Variants in ZNF197 observed in about 807,000 individuals in gnomAD.
ZNF197 encodes the protein VHL-associated KRAB-A domain-containing protein.
In ZNF197, 14 loss-of-function variants were observed where a neutral mutation model predicts 27.4. The observed-to-expected ratio is 0.51, with a 90% CI of 0.34 to 0.80. The LOEUF (loss-of-function observed/expected upper bound fraction) is 0.80. ZNF197 is among the 30% of genes least tolerant of loss of function. The pLI, the probability that ZNF197 is intolerant of heterozygous loss-of-function variation, is 0.02. For synonymous variants in ZNF197, 415 were observed against 420.0 expected (o/e 0.99, Z 0.15); for missense variants, 1,090 against 1,222.6 (o/e 0.89, Z 1.62).
intron 5 of ZNF197, among the ~76,000 whole-genome samples, chr3:44,638,817 C>T (rs1046724335): frequency 6.6e-6 from 1 of 152,222 alleles, no homozygotes; most frequent in Non-Finnish European, 1.5e-5. Context: ...ATCCTGTTAT[C>T]TCAGCCTCCC....
Position 44,631,239 on chromosome 3 carries a change from T to C in ZNF197, c.550+18T>C. 1 of 1,613,798 alleles carries C rather than the reference T, an allele frequency of 6.2e-7. No homozygotes were observed. The highest frequency in any genetic ancestry group is 1.1e-5 in the South Asian group (1 of 91,042). On this transcript the variant is annotated intron_variant, in intron 3 of 5. Transcript: ENST00000344387. Reference sequence around the variant, plus strand: ...TCAGCATGGTATTTACTCAGTGCTCTGGGTTTTGGGCTGTTCAAGGACCCT... The same window carrying C: ...TCAGCATGGTATTTACTCAGTGCTCCGGGTTTTGGGCTGTTCAAGGACCCT...
chr3:44,630,208 T>G (rs1332284588), intron 2 of ZNF197, among the ~76,000 whole-genome samples: 1 of 152,140 alleles, frequency 6.6e-6, no homozygotes, highest in African/African-American at 2.4e-5. Flanking sequence ...TGGAGTGAGA[T>G]CCTGTCTTTA....
chr3:44,636,011 T>G (rs1451945332), intron 5 of ZNF197, among the ~76,000 whole-genome samples: 3 of 152,178 alleles, frequency 2.0e-5, no homozygotes, highest in African/African-American at 7.2e-5. Flanking sequence ...CACAATAATT[T>G]TAAAACATTT....
At position 44,643,698 on chromosome 3, in the gene ZNF197, G is replaced by C; in HGVS notation, c.2568G>C (p.Thr856=). 6.2e-7 allele frequency: 1 copy of C among 1,613,968 alleles called. No individual in the cohort carries two copies. The highest frequency in any genetic ancestry group is 1.1e-5 in the South Asian group (1 of 91,056). The change falls in exon 6 of 6, where the codon ACG becomes ACC. Residue 856 remains threonine, a synonymous_variant. Coordinates refer to ENST00000344387, the MANE Select transcript of ZNF197 (RefSeq NM_006991.5). The stretch of plus-strand genomic sequence containing the variant: ...GTAGTGAGTGTGGAAAAGGTTTTAC[G>C]TACAACAGAAACCTGATTGAACATC... The part of the protein sequence containing the change: ...YACSECGKGF[T]YNRNLIEHQR...
Position 44,644,610 on chromosome 3 carries a change from G to T in ZNF197, c.*390G>T, listed in dbSNP as rs774322643. 1 of 989,418 alleles carries T rather than the reference G, an allele frequency of 1.0e-6. No homozygotes were observed. The highest frequency in any genetic ancestry group is 1.2e-6 in the Non-Finnish European group (1 of 832,562). 61.3% of individuals were successfully genotyped at this position (989,418 alleles called of 1,614,324 possible). ...GCCAGGATCGCGCCATTGCACTCCA[G>T]CCTGGGCAACAAGAGCGAAACTCTT... is the stretch of plus-strand genomic sequence containing the variant. On this transcript the variant is annotated 3_prime_UTR_variant, in exon 6 of 6. Coordinates refer to ENST00000344387, the MANE Select transcript of ZNF197 (RefSeq NM_006991.5).
intron 2 of ZNF197, 117 bp downstream of exon 2, chr3:44,629,661 T>C (rs1264403136): frequency 1.6e-6 from 2 of 1,268,580 alleles, no homozygotes; most frequent in African/African-American, 3.0e-5. Flanking sequence ...AATAGCACAC[T>C]AGCAACCTTA....
intron 1 of ZNF197, 121 bp from the exon 2 acceptor site, chr3:44,628,953 G>C: frequency 1.6e-6 from 1 of 628,014 alleles, no homozygotes; most frequent in Non-Finnish European, 2.6e-6. Context: ...CTAGAGCCTG[G>C]AACCTTGCAC....
chr3:44,640,855 T>C lies in ZNF197; in HGVS notation c.770-1045T>C, dbSNP rs919796195. Among the ~76,000 whole-genome samples, 3 of 152,226 alleles carry C rather than the reference T, an allele frequency of 2.0e-5. No homozygotes were observed. The highest frequency in any genetic ancestry group is 7.2e-5 in the African/African-American group (3 of 41,442). On this transcript the variant is annotated intron_variant, in intron 5 of 5. Transcript: ENST00000344387. The surrounding 1 kb of genome is among the most constrained non-coding windows in gnomAD (Gnocchi z 4.0). ...GATATGAGGGCCTGACCTAAGAATG[T>C]CTGTAGTTCAAGTTAATATTTGTTG... is the stretch of plus-strand genomic sequence containing the variant.
chr3:44,635,664 A>G (rs11929524), intron 5 of ZNF197, among the ~76,000 whole-genome samples: 3,701 of 152,344 alleles, frequency 0.024, 98 homozygotes, highest in African/African-American at 0.063. Context: ...GAAGGAAAGT[A>G]TTAAGAAATA....
intron 1 of ZNF197, among the ~76,000 whole-genome samples, chr3:44,626,317 A>G (rs186712744): frequency 6.6e-6 from 1 of 151,962 alleles, no homozygotes; most frequent in African/African-American, 2.4e-5. Context: ...TCACTAATAG[A>G]GTCCTGACAC....
Position 44,643,541 on chromosome 3 carries a change from G to A in ZNF197, c.2411G>A (p.Ser804Asn). Residue 804 changes from serine to asparagine, a missense_variant, in exon 6 of 6, where the codon AGC (serine) becomes AAC (asparagine). Ser to Asn is a conservative substitution (Grantham distance 46, BLOSUM62 1). Coordinates refer to ENST00000344387, the MANE Select transcript of ZNF197 (RefSeq NM_006991.5). ...GGCAAATGCTTCATTCTGAAGAAAA[G>A]CCTCATTGGACATCAGAGAATTCAC... ...ECGKCFILKK[S>N]LIGHQRIHTR... 6.2e-7 allele frequency: 1 copy of A among 1,614,112 alleles called. No individual in the cohort carries two copies. Among genetic ancestry groups the A allele is most frequent in the Non-Finnish European group, 8.5e-7 (1 of 1,180,008 alleles).
At chr3:44,633,961 A>T (rs189126445) in intron 5 of ZNF197, among the ~76,000 whole-genome samples, 1 of 152,240 alleles carries the variant, frequency 6.6e-6, no homozygotes, top group East Asian at 1.9e-4. Flanking sequence ...CACTTTTGAG[A>T]CTGTATCCTT....
rs1488925384 is a variant in ZNF197, at chr3:44,648,194, T to A, written c.*3974T>A. The A allele has an allele frequency of 1.3e-5, 2 of 152,198 alleles. No individual in the cohort carries two copies. Among genetic ancestry groups the A allele is most frequent in the Non-Finnish European group, 2.9e-5 (2 of 68,022 alleles). 9.4% of individuals were successfully genotyped at this position (152,198 alleles called of 1,614,324 possible). A position where few individuals can be genotyped will look rare whatever the true frequency, so the allele number is the denominator to read the frequency against. Reference sequence around the variant, plus strand: ...TTGAATATGACTGGTTATTAGATGGTATTAGGGAATTTTTGTTGATTTTCT... The same window carrying A: ...TTGAATATGACTGGTTATTAGATGGAATTAGGGAATTTTTGTTGATTTTCT... On this transcript the variant is annotated 3_prime_UTR_variant, in exon 6 of 6. Transcript: ENST00000344387.
At chr3:44,625,595 TC>T (rs1701602057) in intron 1 of ZNF197, among the ~76,000 whole-genome samples, 1 of 152,210 alleles carries the variant, frequency 6.6e-6, no homozygotes, top group Non-Finnish European at 1.5e-5. Flanking sequence ...GCTTTTTTAG[TC>T]TTTTAGTTTT....
At position 44,645,785 on chromosome 3, in the gene ZNF197, C is replaced by T; in HGVS notation, c.*1565C>T. The T allele has an allele frequency of 2.0e-6, 2 of 985,418 alleles. No individual in the cohort carries two copies. The highest frequency in any genetic ancestry group is 2.4e-6 in the Non-Finnish European group (2 of 829,926). 61.0% of individuals were successfully genotyped at this position (985,418 alleles called of 1,614,324 possible). ...GGGACATAAATTTTTCACATGGAGCCAAGCTCTTCACTGATTAAGCCAGTG... is the reference window on the plus strand; with the variant it reads ...GGGACATAAATTTTTCACATGGAGCTAAGCTCTTCACTGATTAAGCCAGTG... On this transcript the variant is annotated 3_prime_UTR_variant, in exon 6 of 6. Coordinates refer to ENST00000344387, the MANE Select transcript of ZNF197 (RefSeq NM_006991.5).
intron 5 of ZNF197, among the ~76,000 whole-genome samples, chr3:44,635,590 G>A (rs991186836): frequency 2.0e-5 from 3 of 152,160 alleles, no homozygotes; most frequent in Non-Finnish European, 4.4e-5. Flanking sequence ...CAGATAACTT[G>A]TACATACTAC....
chr3:44,630,785 T>G, intron 2 of ZNF197: 2 of 586,594 alleles, frequency 3.4e-6, no homozygotes. Flanking sequence ...TGCTTATTAC[T>G]TCCCATTCCC....
In ZNF197 at chr3:44,645,847, C is replaced by T. The variant is rs575279315; in HGVS notation, c.*1627C>T. 8 of 985,316 alleles carry T rather than the reference C, an allele frequency of 8.1e-6. No individual in the cohort carries two copies. In the African/African-American group the frequency reaches 1.2e-4, roughly 15 times the overall value. 61.0% of individuals were successfully genotyped at this position (985,316 alleles called of 1,614,324 possible). A position where few individuals can be genotyped will look rare whatever the true frequency, so the allele number is the denominator to read the frequency against. On this transcript the variant is annotated 3_prime_UTR_variant, in exon 6 of 6. Coordinates refer to ENST00000344387, the MANE Select transcript of ZNF197 (RefSeq NM_006991.5). ...TGTGGGCAGTCAGTGCCCATTACCCCCTGTGAACCATTCTGTGCCCTTGAG... is the reference window on the plus strand; with the variant it reads ...TGTGGGCAGTCAGTGCCCATTACCCTCTGTGAACCATTCTGTGCCCTTGAG...
At chr3:44,627,022 A>G (rs1279073918) in intron 1 of ZNF197, among the ~76,000 whole-genome samples, 1 of 152,196 alleles carries the variant, frequency 6.6e-6, no homozygotes, top group Non-Finnish European at 1.5e-5. Flanking sequence ...AAAGATCTCT[A>G]AGACATATTA....
Sources: gnomAD v4.1 joint callset for allele counts (sites outside exome capture counted in the v4.1 genomes callset) on GRCh38, gnomAD v4.1.1 for gene constraint, Gnocchi (gnomAD v3.1) non-coding constraint, MANE v1.5 for transcripts, NCBI Gene and HGNC (gene_info 2026-07-23, HGNC 2026-07-21) for gene names.